The following TCF12 variants were observed in gnomAD, a reference collection of about 807,000 sequenced individuals.
TCF12 encodes the protein DNA-binding protein HTF4.
A neutral mutation model predicts 86.0 loss-of-function variants in TCF12; 45 were observed. The observed-to-expected ratio is 0.52, with a 90% confidence interval of 0.41 to 0.67. TCF12 has a LOEUF of 0.67. Among genes scored for constraint, TCF12 ranks in the 30% least tolerant of loss-of-function variants. The pLI is 0.00. For synonymous variants in TCF12, 330 were observed against 299.6 expected (o/e 1.10, Z -1.05); for missense variants, 881 against 859.9 (o/e 1.02, Z -0.31).
chr15:56,990,988 G>A (rs1315080719), intron 3 of TCF12, among the ~76,000 whole-genome samples: 16 of 151,840 alleles, frequency 1.1e-4, no homozygotes, highest in African/African-American at 3.6e-4. Context: ...TAGAGATGGG[G>A]TCTCACCATG....
chr15:57,113,256 A>G (rs1015050619), intron 5 of TCF12, among the ~76,000 whole-genome samples: 6 of 152,242 alleles, frequency 3.9e-5, no homozygotes, highest in Non-Finnish European at 7.3e-5. Context: ...GTCAAGGATT[A>G]GCTTATGCTT....
intron 5 of TCF12, among the ~76,000 whole-genome samples, chr15:57,139,136 TTC>T (rs1225965583): frequency 1.4e-3 from 215 of 152,240 alleles, no homozygotes; most frequent in African/African-American, 5.1e-3. Flanking sequence ...CAGTCTGTTT[TTC>T]TCTCTCCCTT....
intron 5 of TCF12, among the ~76,000 whole-genome samples, chr15:57,094,428 C>G (rs1023465718): frequency 1.1e-4 from 17 of 152,112 alleles, no homozygotes; most frequent in African/African-American, 3.4e-4. Flanking sequence ...AAATGAATGC[C>G]TCTTAAATCA....
chr15:57,290,357 A>G (rs1396682326), downstream of TCF12, among the ~76,000 whole-genome samples: 1 of 151,956 alleles, frequency 6.6e-6, no homozygotes, highest in Non-Finnish European at 1.5e-5. Context: ...AAAAAAAAAA[A>G]AAAAGAGTGA....
intron 3 of TCF12, among the ~76,000 whole-genome samples, chr15:56,993,585 A>T (rs1458500787): frequency 7.9e-5 from 12 of 152,204 alleles, no homozygotes; most frequent in Admixed American, 7.9e-4. Context: ...GTTCTTTATG[A>T]ATTCCCTGAA....
At chr15:57,242,715 T>G (rs2059689309) in intron 12 of TCF12, among the ~76,000 whole-genome samples, 1 of 152,188 alleles carries the variant, frequency 6.6e-6, no homozygotes, top group South Asian at 2.1e-4. Flanking sequence ...TTAATCTCTG[T>G]CACCATTTAT....
chr15:56,981,989 T>A lies in TCF12; in HGVS notation c.148+60891T>A, dbSNP rs1009288563. ...AGGCAGGATAGGCAGGTACACTTGG[T>A]GTAGCTTTTATTGGGGGAAAAAAAC... On this transcript the variant is annotated intron_variant, in intron 3 of 20. Coordinates refer to ENST00000333725, the MANE Select transcript of TCF12 (RefSeq NM_207037.2). Among the ~76,000 whole-genome samples, 3 of 152,290 alleles carry A rather than the reference T, an allele frequency of 2.0e-5. No homozygotes were observed. In the South Asian group the frequency reaches 6.2e-4, roughly 32 times the overall value.
intron 5 of TCF12, among the ~76,000 whole-genome samples, chr15:57,123,964 G>A (rs1204206772): frequency 2.2e-4 from 8 of 35,962 alleles, no homozygotes; most frequent in South Asian, 7.6e-4. Flanking sequence ...GTGAGACTCC[G>A]TCTCAAAAAA....
intron 5 of TCF12, among the ~76,000 whole-genome samples, chr15:57,140,722 A>G (rs1454595460): frequency 2.0e-5 from 3 of 152,198 alleles, no homozygotes; most frequent in African/African-American, 7.2e-5. Flanking sequence ...GATATAAACA[A>G]AATTATTTTA....
intron 8 of TCF12, chr15:57,219,147 A>T: frequency 9.4e-7 from 1 of 1,067,528 alleles, no homozygotes; most frequent in Non-Finnish European, 1.1e-6. Context: ...AAAATCTGTC[A>T]GTATGCCTTC....
At chr15:57,162,860 A>G (rs1421657675) in intron 5 of TCF12, among the ~76,000 whole-genome samples, 2 of 151,992 alleles carry the variant, frequency 1.3e-5, no homozygotes, top group African/African-American at 4.8e-5. Flanking sequence ...TTACTAGGAC[A>G]TTTGATTCAA....
At chr15:57,063,573 A>G (rs1429477650) in intron 3 of TCF12, among the ~76,000 whole-genome samples, 177 bp from the exon 4 acceptor site, 18 of 152,206 alleles carry the variant, frequency 1.2e-4, no homozygotes, top group Non-Finnish European at 1.5e-5. Context: ...TGATGGAGCA[A>G]TGATGAAGAT....
chr15:57,111,210 T>A (rs2050465570), intron 5 of TCF12, among the ~76,000 whole-genome samples: 1 of 152,144 alleles, frequency 6.6e-6, no homozygotes, highest in South Asian at 2.1e-4. Flanking sequence ...AAGGAATGTG[T>A]TATTTCACCC....
chr15:57,025,588 GAA>G (rs1417191449), intron 3 of TCF12, among the ~76,000 whole-genome samples: 3 of 152,138 alleles, frequency 2.0e-5, no homozygotes, highest in Non-Finnish European at 4.4e-5. Flanking sequence ...TAAGTGAAGA[GAA>G]AGAGAAGATT....
intron 19 of TCF12, among the ~76,000 whole-genome samples, chr15:57,280,966 A>G (rs1210979545): frequency 1.3e-5 from 2 of 152,336 alleles, no homozygotes; most frequent in Admixed American, 6.5e-5. Context: ...ATCAGAAGCT[A>G]TGGATATCTT....
At chr15:57,126,980 T>C (rs1172325904) in intron 5 of TCF12, among the ~76,000 whole-genome samples, 1 of 135,302 alleles carries the variant, frequency 7.4e-6, no homozygotes, top group Admixed American at 7.6e-5. Flanking sequence ...TTTTTTTTTC[T>C]TTTCTTTTTT....
chr15:57,003,709 C>T (rs779055226), intron 3 of TCF12, among the ~76,000 whole-genome samples: 3 of 152,142 alleles, frequency 2.0e-5, no homozygotes, highest in Non-Finnish European at 2.9e-5. Context: ...CTGGAAGACC[C>T]AGCTACTGTA....
At chr15:56,985,365 A>T (rs1399205055) in intron 3 of TCF12, among the ~76,000 whole-genome samples, 1 of 152,182 alleles carries the variant, frequency 6.6e-6, no homozygotes, top group Non-Finnish European at 1.5e-5. Flanking sequence ...CAGAAGCCAA[A>T]CTAATTTTGA....
chr15:56,979,571 G>T (rs2062785221), intron 3 of TCF12, among the ~76,000 whole-genome samples: 1 of 152,174 alleles, frequency 6.6e-6, no homozygotes, highest in South Asian at 2.1e-4. Flanking sequence ...AGCAGAATGT[G>T]TCTGAGAGAA....
Sources: allele counts gnomAD v4.1 joint callset (sites outside exome capture counted in the v4.1 genomes callset), GRCh38; gene constraint gnomAD v4.1.1; transcripts MANE v1.5; gene names NCBI Gene and HGNC (gene_info 2026-07-23, HGNC 2026-07-21).